FOXN3: variants seen among roughly 807,000 people sequenced by gnomAD.
FOXN3 encodes the protein forkhead box protein N3.
In FOXN3, 7 loss-of-function variants were observed where a neutral mutation model predicts 38.4. The ratio of observed to expected loss-of-function variants is 0.18; its 90% CI spans 0.10 to 0.34. The LOEUF (loss-of-function observed/expected upper bound fraction) is 0.34. FOXN3 is among the 10% of genes least tolerant of loss of function. The pLI, the probability that FOXN3 is intolerant of heterozygous loss-of-function variation, is 1.00. For synonymous variants in FOXN3, 230 were observed against 242.2 expected, an observed-to-expected ratio of 0.95 and a Z score of 0.47; for missense variants, 456 against 613.4, an observed-to-expected ratio of 0.74 and a Z score of 2.71.
chr14:89,234,179 G>A (rs746392497), intron 4 of FOXN3, among the ~76,000 whole-genome samples: 18 of 152,184 alleles, frequency 1.2e-4, no homozygotes, highest in Non-Finnish European at 1.8e-4. Flanking sequence ...GGGGTATTTC[G>A]TGTACTACGT....
intron 3 of FOXN3, among the ~76,000 whole-genome samples, chr14:89,345,946 G>A (rs985424106): frequency 1.4e-4 from 21 of 152,156 alleles, no homozygotes; most frequent in African/African-American, 3.6e-4. Flanking sequence ...CCAGCTACTC[G>A]GGAGGCTGAA....
intron 1 of FOXN3, among the ~76,000 whole-genome samples, chr14:89,437,219 A>C (rs1892292131): frequency 6.6e-6 from 1 of 151,614 alleles, no homozygotes; most frequent in Admixed American, 6.6e-5. Context: ...CTTAATGTCT[A>C]AATGTGGTCA....
intron 4 of FOXN3, among the ~76,000 whole-genome samples, chr14:89,218,214 A>G (rs540885999): frequency 6.6e-6 from 1 of 152,344 alleles, no homozygotes; most frequent in East Asian, 1.9e-4. Context: ...ATTGGGATCC[A>G]GAAGACTTGA....
chr14:89,388,747 G>A lies in FOXN3; in HGVS notation c.543+23187C>T, dbSNP rs147583773. On this transcript the variant is annotated intron_variant, in intron 2 of 5. Transcript: ENST00000557258. ...GATAAATAAGGTGCCAGCTTGATGA[G>A]AAGCAGGAAAATCAAGAAGAAGATG... 1.0e-3 allele frequency among the ~76,000 whole-genome samples: 153 copies of A among 151,848 alleles called. 1 individual carries two copies. Among genetic ancestry groups the A allele is most frequent in the Non-Finnish European group, 1.6e-3 (107 of 67,988 alleles).
intron 1 of FOXN3, among the ~76,000 whole-genome samples, chr14:89,513,967 C>A (rs1894152350): frequency 6.6e-6 from 1 of 151,966 alleles, no homozygotes; most frequent in Non-Finnish European, 1.5e-5. Context: ...CTCTCCTACA[C>A]CTAGAGAAAA....
intron 3 of FOXN3, among the ~76,000 whole-genome samples, chr14:89,294,016 A>C (rs965445558): frequency 6.6e-6 from 1 of 152,206 alleles, no homozygotes; most frequent in Non-Finnish European, 1.5e-5. Context: ...GCTCTAGTTC[A>C]AAATTCTGGA....
At chr14:89,252,417 G>A (rs1270234796) in intron 4 of FOXN3, among the ~76,000 whole-genome samples, 1 of 152,162 alleles carries the variant, frequency 6.6e-6, no homozygotes, top group African/African-American at 2.4e-5. Flanking sequence ...CACTTTGGGA[G>A]GCCGAGGAGG....
chr14:89,165,483 G>A (rs1271940632), intron 5 of FOXN3, among the ~76,000 whole-genome samples: 1 of 152,200 alleles, frequency 6.6e-6, no homozygotes, highest in Non-Finnish European at 1.5e-5. Context: ...GAGGCGTATG[G>A]GAACCCAGCA....
At chr14:89,325,128 C>G (rs1888012681) in intron 3 of FOXN3, among the ~76,000 whole-genome samples, 1 of 152,174 alleles carries the variant, frequency 6.6e-6, no homozygotes, top group African/African-American at 2.4e-5. Context: ...ACAGCATAGA[C>G]ACAGAGTACT....
intron 1 of FOXN3, among the ~76,000 whole-genome samples, chr14:89,585,710 A>G (rs1324671550): frequency 6.6e-6 from 1 of 151,502 alleles, no homozygotes; most frequent in African/African-American, 2.4e-5. Context: ...CACAAAAACT[A>G]ATAGATTTAT....
At chr14:89,411,514 G>C (rs937163485) in intron 2 of FOXN3, among the ~76,000 whole-genome samples, 1 of 151,860 alleles carries the variant, frequency 6.6e-6, no homozygotes, top group African/African-American at 2.4e-5. Context: ...TCATATTCAG[G>C]GAAAAAAAGA....
intron 4 of FOXN3, among the ~76,000 whole-genome samples, chr14:89,204,066 C>G: frequency 8.5e-6 from 1 of 118,096 alleles, no homozygotes; most frequent in Non-Finnish European, 1.6e-5. Flanking sequence ...CACACACACA[C>G]ACACACACAC....
At chr14:89,167,704 C>T (rs1236002106) in intron 5 of FOXN3, among the ~76,000 whole-genome samples, 1 of 152,210 alleles carries the variant, frequency 6.6e-6, no homozygotes, top group Non-Finnish European at 1.5e-5. Flanking sequence ...AAAGGCATTG[C>T]TGAGTTCACT....
chr14:89,175,665 G>A lies in FOXN3; in HGVS notation c.851+5036C>T, dbSNP rs527544957. The stretch of plus-strand genomic sequence containing the variant: ...GTCACACGGCTGCAGGAGATGGACC[G>A]AGGAAATGTGGTTCCTGAGTTCACG... On this transcript the variant is annotated intron_variant, in intron 5 of 5. Coordinates refer to ENST00000557258, the MANE Select transcript of FOXN3 (RefSeq NM_005197.4). Among the ~76,000 whole-genome samples, 13 of 152,314 alleles carry A rather than the reference G, an allele frequency of 8.5e-5. No individual in the cohort carries two copies. The East Asian group carries it at 1.7e-3, about 20-fold the overall frequency.
At chr14:89,488,085 CTTCT>C (rs1893486907) in intron 1 of FOXN3, among the ~76,000 whole-genome samples, 1 of 148,034 alleles carries the variant, frequency 6.8e-6, no homozygotes. Flanking sequence ...GCTAGGGGCT[CTTCT>C]TTTTTTTTTT....
chr14:89,465,102 G>A (rs931415624), intron 1 of FOXN3, among the ~76,000 whole-genome samples: 1 of 152,208 alleles, frequency 6.6e-6, no homozygotes, highest in African/African-American at 2.4e-5. Flanking sequence ...CGTGAAGAAG[G>A]ATGTGTTTGC....
At chr14:89,569,577 A>C (rs10438205) in intron 1 of FOXN3, among the ~76,000 whole-genome samples, 1 of 152,196 alleles carries the variant, frequency 6.6e-6, no homozygotes, top group African/African-American at 2.4e-5. Context: ...ATCAACCTCA[A>C]AGAAAACTTC....
intron 1 of FOXN3, among the ~76,000 whole-genome samples, chr14:89,579,119 G>A (rs550171757): frequency 4.0e-5 from 6 of 150,312 alleles, no homozygotes; most frequent in Non-Finnish European, 8.8e-5. Flanking sequence ...CAAAGTGCTA[G>A]GATTACAGGC....
chr14:89,520,622 T>C (rs1427740926), intron 1 of FOXN3, among the ~76,000 whole-genome samples: 1 of 152,214 alleles, frequency 6.6e-6, no homozygotes, highest in Non-Finnish European at 1.5e-5. Flanking sequence ...CTGCTGCTCA[T>C]TGCAAGAAAG....
Sources: allele counts gnomAD v4.1 joint callset (sites outside exome capture counted in the v4.1 genomes callset), GRCh38; gene constraint gnomAD v4.1.1; transcripts MANE v1.5; gene names NCBI Gene and HGNC (gene_info 2026-07-23, HGNC 2026-07-21).